Variants in CDIN1 observed in about 807,000 individuals in gnomAD.
The protein encoded by CDIN1 is CDAN1 interacting nuclease 1.
In CDIN1, 33 loss-of-function variants were observed where a neutral mutation model predicts 45.3. The observed-to-expected ratio is 0.73, with a 90% CI of 0.55 to 0.97. CDIN1 has a LOEUF of 0.97. CDIN1 is among the 50% of genes least tolerant of loss of function. The pLI, the probability that CDIN1 is intolerant of heterozygous loss-of-function variation, is 0.00. For synonymous variants in CDIN1, 118 were observed against 124.4 expected (o/e 0.95, Z 0.34); for missense variants, 303 against 339.4 (o/e 0.89, Z 0.84).
intron 5 of CDIN1, among the ~76,000 whole-genome samples, chr15:36,676,546 T>C (rs1321968328): frequency 6.6e-6 from 1 of 152,188 alleles, no homozygotes; most frequent in Non-Finnish European, 1.5e-5. Flanking sequence ...ACAGACTTGG[T>C]CATACCAGTA....
At chr15:36,791,998 G>A (rs1170631713) in intron 10 of CDIN1, among the ~76,000 whole-genome samples, 7 of 152,278 alleles carry the variant, frequency 4.6e-5, no homozygotes, top group African/African-American at 9.6e-5. Flanking sequence ...ATGGCAGCAC[G>A]CGCAGACCAG....
intron 1 of CDIN1, among the ~76,000 whole-genome samples, chr15:36,635,973 G>A (rs2081960109): frequency 6.6e-6 from 1 of 152,086 alleles, no homozygotes; most frequent in African/African-American, 2.4e-5. Flanking sequence ...GGATACAGTA[G>A]AGAAGGCTGA....
chr15:36,639,216 G>T (rs943441533), intron 1 of CDIN1, among the ~76,000 whole-genome samples: 7 of 152,096 alleles, frequency 4.6e-5, no homozygotes, highest in Non-Finnish European at 1.0e-4. Context: ...TGTATCCATG[G>T]GTTCCACATT....
intron 7 of CDIN1, 136 bp downstream of exon 7, chr15:36,692,311 T>A: frequency 1.3e-6 from 1 of 787,608 alleles, no homozygotes; most frequent in Non-Finnish European, 2.0e-6. Flanking sequence ...TTCAATCAAC[T>A]GGAGGGTCAC....
intron 1 of CDIN1, chr15:36,618,296 G>A (rs2038992814): frequency 1.0e-5 from 7 of 667,298 alleles, no homozygotes; most frequent in Admixed American, 4.7e-5. Flanking sequence ...AACAGATCTA[G>A]TTCAAAAAAT....
intron 10 of CDIN1, among the ~76,000 whole-genome samples, chr15:36,787,545 A>C (rs1393592579): frequency 1.3e-5 from 2 of 152,214 alleles, no homozygotes; most frequent in Non-Finnish European, 2.9e-5. Context: ...TGAATATACT[A>C]TCTCTCATTG....
rs1373064517 is a variant in CDIN1 at position 36,605,916 on chromosome 15, A to G, written c.101+25955A>G. Among the ~76,000 whole-genome samples, 7 of 152,184 alleles carry G rather than the reference A, an allele frequency of 4.6e-5. No individual in the cohort carries two copies. In the South Asian group the frequency reaches 1.4e-3, roughly 31 times the overall value. Reference sequence around the variant, plus strand: ...AACGGCTTGAAGTCATTAACATATGACAGATGCACTCCCTTTTCAAGAGCT... The same window carrying G: ...AACGGCTTGAAGTCATTAACATATGGCAGATGCACTCCCTTTTCAAGAGCT... On this transcript the variant is annotated intron_variant, in intron 1 of 10. Transcript: ENST00000566621.
intron 7 of CDIN1, among the ~76,000 whole-genome samples, chr15:36,692,456 G>A (rs1258628176): frequency 1.3e-5 from 2 of 152,112 alleles, no homozygotes; most frequent in Non-Finnish European, 2.9e-5. Context: ...GAGTCATTAG[G>A]CAGGTAACGT....
intron 4 of CDIN1, among the ~76,000 whole-genome samples, chr15:36,657,222 TTGCAGATATTATA>T (rs2040816928): frequency 6.6e-6 from 1 of 152,132 alleles, no homozygotes; most frequent in Admixed American, 6.5e-5. Context: ...TGATCTTATG[TTGCAGATATTATA>T]TTGTTGTAAT....
At chr15:36,659,795 A>C (rs2040923818) in intron 5 of CDIN1, among the ~76,000 whole-genome samples, 2 of 151,980 alleles carry the variant, frequency 1.3e-5, no homozygotes. Context: ...TGGTTTCAAA[A>C]ATCTTTTATG....
intron 10 of CDIN1, among the ~76,000 whole-genome samples, chr15:36,781,883 C>T (rs1331561611): frequency 1.3e-5 from 2 of 152,196 alleles, no homozygotes; most frequent in East Asian, 3.9e-4. Context: ...AACAGAGACA[C>T]ATAGATCCAG....
chr15:36,713,981 T>C (rs1268447712), intron 10 of CDIN1, among the ~76,000 whole-genome samples: 1 of 152,194 alleles, frequency 6.6e-6, no homozygotes, highest in Non-Finnish European at 1.5e-5. Context: ...ATCTGGCATA[T>C]AGTAGGTGAT....
chr15:36,639,041 A>T (rs1263352610), intron 1 of CDIN1, among the ~76,000 whole-genome samples: 1 of 152,162 alleles, frequency 6.6e-6, no homozygotes, highest in Non-Finnish European at 1.5e-5. Flanking sequence ...CCCCATCTCT[A>T]AAATAAGGAG....
chr15:36,795,638 C>G (rs939732592), intron 10 of CDIN1, among the ~76,000 whole-genome samples: 1 of 152,028 alleles, frequency 6.6e-6, no homozygotes, highest in African/African-American at 2.4e-5. Context: ...TGTCTAGTCT[C>G]TTTTAAAGTA....
intron 10 of CDIN1, among the ~76,000 whole-genome samples, chr15:36,747,636 G>T (rs8035708): frequency 6.6e-6 from 1 of 152,064 alleles, no homozygotes; most frequent in African/African-American, 2.4e-5. Context: ...AAGTCACTCA[G>T]TGTTGAACAC....
At chr15:36,674,896 AG>A (rs760390303) in intron 5 of CDIN1, among the ~76,000 whole-genome samples, 1 of 152,096 alleles carries the variant, frequency 6.6e-6, no homozygotes, top group Non-Finnish European at 1.5e-5. Context: ...ATCTGTAGAA[AG>A]GTTTTTCAGA....
chr15:36,690,828 C>G (rs1042992220), intron 5 of CDIN1, among the ~76,000 whole-genome samples: 6 of 152,130 alleles, frequency 3.9e-5, no homozygotes, highest in Non-Finnish European at 7.3e-5. Context: ...AGCCTAGAGA[C>G]CTGCCCTTCT....
At chr15:36,649,210 C>T (rs1031492054) in intron 3 of CDIN1, among the ~76,000 whole-genome samples, 1 of 152,204 alleles carries the variant, frequency 6.6e-6, no homozygotes, top group African/African-American at 2.4e-5. Flanking sequence ...TACAGCATTG[C>T]AGTTTTCACA....
intron 10 of CDIN1, among the ~76,000 whole-genome samples, chr15:36,726,476 C>T (rs1262683076): frequency 6.6e-6 from 1 of 152,230 alleles, no homozygotes; most frequent in South Asian, 2.1e-4. Context: ...TGGCCACCCC[C>T]ACACACCTTT....
Sources: allele counts gnomAD v4.1 joint callset (sites outside exome capture counted in the v4.1 genomes callset), GRCh38; gene constraint gnomAD v4.1.1; transcripts MANE v1.5; gene names NCBI Gene and HGNC (gene_info 2026-07-23, HGNC 2026-07-21).